ELFN1: variants seen among roughly 807,000 people sequenced by gnomAD.
ELFN1 encodes extracellular leucine rich repeat and fibronectin type III domain containing 1.
Under a neutral mutation model 7.6 loss-of-function variants are expected in ELFN1, and 6 were observed. The ratio of observed to expected loss-of-function variants is 0.79; its 90% CI spans 0.43 to 1.56. The LOEUF is 1.56. ELFN1 is among the 40% of genes most tolerant of loss of function. The pLI, the probability that ELFN1 is intolerant of heterozygous loss-of-function variation, is 0.01. For synonymous variants in ELFN1, 657 were observed against 588.1 expected, an observed-to-expected ratio of 1.12 and a Z score of -1.70; for missense variants, 1,169 against 1,232.2, an observed-to-expected ratio of 0.95 and a Z score of 0.77.
At chr7:1,729,394 CTCA>C (rs1780277145) in intron 3 of ELFN1, among the ~76,000 whole-genome samples, 1 of 152,214 alleles carries the variant, frequency 6.6e-6, no homozygotes, top group Non-Finnish European at 1.5e-5. Context: ...TTCACCTCTG[CTCA>C]GCAGCGGCTC....
At chr7:1,682,923 A>G (rs1212665073) in intron 1 of ELFN1, among the ~76,000 whole-genome samples, 2 of 152,072 alleles carry the variant, frequency 1.3e-5, no homozygotes, top group Admixed American at 6.5e-5. Context: ...TGGGTGTTGG[A>G]TTTTGTCAAA....
At chr7:1,703,195 T>C (rs1444363601) in intron 2 of ELFN1, among the ~76,000 whole-genome samples, 1 of 152,224 alleles carries the variant, frequency 6.6e-6, no homozygotes, top group Non-Finnish European at 1.5e-5. Context: ...GTATTTTCTG[T>C]TTTGTGTTTG....
At chr7:1,675,177 C>T (rs539121317) in intron 1 of ELFN1, among the ~76,000 whole-genome samples, 1 of 151,722 alleles carries the variant, frequency 6.6e-6, no homozygotes. Context: ...CCCACTACCC[C>T]CTCTAGGACC....
intron 1 of ELFN1, among the ~76,000 whole-genome samples, chr7:1,686,323 T>G (rs1779062484): frequency 1.3e-5 from 2 of 149,914 alleles, no homozygotes; most frequent in Admixed American, 1.3e-4. Flanking sequence ...TTTTTTTTTT[T>G]TTTTTTTGAG....
chr7:1,707,103 G>A (rs956364556), intron 2 of ELFN1, among the ~76,000 whole-genome samples: 1 of 152,254 alleles, frequency 6.6e-6, no homozygotes, highest in Non-Finnish European at 1.5e-5. Context: ...AAGCTCCAGG[G>A]CAGGTGCCCT....
At position 1,745,700 on chromosome 7, in the gene ELFN1, G is replaced by A. The variant is rs908694603; in HGVS notation, c.1104G>A (p.Leu368=). ...CCAAGGCCCAGGAGGAGATCCGTCT[G>A]ACCAACCTGTTCACGCTCACCAACT... ...RLTKAQEEIR[L]TNLFTLTNYT... Residue 368 remains leucine, a synonymous_variant, in exon 4 of 4, where the codon CTG becomes CTA. Coordinates refer to ENST00000424383, the MANE Select transcript of ELFN1 (RefSeq NM_001128636.4). The A allele has an allele frequency of 3.2e-6, 5 of 1,551,242 alleles. No homozygotes were observed. Among genetic ancestry groups the A allele is most frequent in the Admixed American group, 3.9e-5 (2 of 50,990 alleles).
At chr7:1,713,666 C>T (rs1196699235) in intron 3 of ELFN1, among the ~76,000 whole-genome samples, 1 of 152,138 alleles carries the variant, frequency 6.6e-6, no homozygotes, top group Non-Finnish European at 1.5e-5. Flanking sequence ...TTGAAGGCAG[C>T]AGGGCCTGGG....
Position 1,676,718 on chromosome 7 carries a change from G to A in ELFN1, c.-549+6364G>A, listed in dbSNP as rs114997433. 7.4e-3 allele frequency among the ~76,000 whole-genome samples: 1,127 copies of A among 152,318 alleles called. 12 individuals are homozygous for A. Among genetic ancestry groups the A allele is most frequent in the African/African-American group, 0.025 (1,057 of 41,562 alleles). On this transcript the variant is annotated intron_variant, in intron 1 of 3. Transcript: ENST00000424383. ...AAGGGAGAGCAGGTGTAATGGCCCC[G>A]CAGCCGAGACACGCTTCGTGTGGGT...
intron 3 of ELFN1, among the ~76,000 whole-genome samples, chr7:1,711,981 T>G (rs886731801): frequency 6.6e-6 from 1 of 152,158 alleles, no homozygotes; most frequent in Non-Finnish European, 1.5e-5. Flanking sequence ...GTGTGGACAG[T>G]TAGGGCGAGG....
intron 3 of ELFN1, among the ~76,000 whole-genome samples, chr7:1,722,541 G>A (rs2128594007): frequency 6.6e-6 from 1 of 151,962 alleles, no homozygotes; most frequent in South Asian, 2.1e-4. Context: ...AAACTGCTGG[G>A]ATTACAGGTG....
At chr7:1,672,883 G>A (rs1245478038) in intron 1 of ELFN1, among the ~76,000 whole-genome samples, 1 of 152,086 alleles carries the variant, frequency 6.6e-6, no homozygotes, top group Non-Finnish European at 1.5e-5. Context: ...GCAGGCCCTC[G>A]AGATGCCCGG....
At chr7:1,741,325 A>C (rs1177289207) in intron 3 of ELFN1, among the ~76,000 whole-genome samples, 1 of 152,142 alleles carries the variant, frequency 6.6e-6, no homozygotes, top group Non-Finnish European at 1.5e-5. Flanking sequence ...CAGCGAGGCC[A>C]GGCTGGGGGT....
chr7:1,746,996 G>A lies in ELFN1; in HGVS notation c.2400G>A (p.Leu800=). Residue 800 remains leucine, a synonymous_variant, in exon 4 of 4, where the codon CTG becomes CTA. Transcript: ENST00000424383. ...EEEFMAAGHA[L]RKKVQFAKDE... is the part of the protein sequence containing the mutation. ...AGTTCATGGCCGCGGGCCATGCCCT[G>A]CGCAAGAAGGTTCAGTTCGCCAAAG... is the stretch of plus-strand genomic sequence containing the variant. The A allele has an allele frequency of 6.4e-7, 1 of 1,565,590 alleles. No homozygotes were observed. Among genetic ancestry groups the A allele is most frequent in the African/African-American group, 1.4e-5 (1 of 73,552 alleles).
chr7:1,689,238 T>G (rs987453008), intron 2 of ELFN1, among the ~76,000 whole-genome samples: 1 of 152,242 alleles, frequency 6.6e-6, no homozygotes, highest in African/African-American at 2.4e-5. Flanking sequence ...CTCAGCATAC[T>G]GTATGTAGTG....
Position 1,746,528 on chromosome 7 carries a change from C to A in ELFN1, c.1932C>A (p.Gly644=), listed in dbSNP as rs1432589036. 3 of 1,445,074 alleles carry A rather than the reference C, an allele frequency of 2.1e-6. No homozygotes were observed. Among genetic ancestry groups the A allele is most frequent in the Non-Finnish European group, 2.7e-6 (3 of 1,109,424 alleles). 89.5% of individuals were successfully genotyped at this position (1,445,074 alleles called of 1,614,324 possible). A position where few individuals can be genotyped will look rare whatever the true frequency, so the allele number is the denominator to read the frequency against. The change falls in exon 4 of 4, where the codon GGC becomes GGA. Residue 644 remains glycine, a synonymous_variant. Transcript: ENST00000424383. ...GPPRASTSSS[G]SVRSPRAFRA... ...CTCGTGCCAGCACCTCGTCCAGCGGCTCCGTGCGCAGCCCCCGCGCCTTCC... is the reference window on the plus strand; with the variant it reads ...CTCGTGCCAGCACCTCGTCCAGCGGATCCGTGCGCAGCCCCCGCGCCTTCC...
At chr7:1,694,154 G>T in intron 2 of ELFN1, 1 of 240,668 alleles carries the variant, frequency 4.2e-6, no homozygotes, top group Non-Finnish European at 8.4e-6. Flanking sequence ...GCAGACCCAG[G>T]CCCCTCACAC....
At chr7:1,698,907 C>T (rs1181192837) in intron 2 of ELFN1, among the ~76,000 whole-genome samples, 2 of 152,222 alleles carry the variant, frequency 1.3e-5, no homozygotes, top group Non-Finnish European at 2.9e-5. Context: ...CCCCCCGTGT[C>T]ACCAGCCCCA....
chr7:1,720,208 C>A (rs1297574258), intron 3 of ELFN1, among the ~76,000 whole-genome samples: 1 of 152,242 alleles, frequency 6.6e-6, no homozygotes, highest in African/African-American at 2.4e-5. Flanking sequence ...AGGGAAGCCA[C>A]TATCCTTGCA....
At chr7:1,733,534 G>A (rs942152302) in intron 3 of ELFN1, among the ~76,000 whole-genome samples, 3 of 152,078 alleles carry the variant, frequency 2.0e-5, no homozygotes, top group African/African-American at 7.2e-5. Context: ...CACCCCTTCC[G>A]ACTGTGGAAA....
Sources: allele counts gnomAD v4.1 joint callset (sites outside exome capture counted in the v4.1 genomes callset), GRCh38; gene constraint gnomAD v4.1.1; transcripts MANE v1.5; gene names NCBI Gene and HGNC (gene_info 2026-07-23, HGNC 2026-07-21).